The following ITGA9 variants were observed in gnomAD, a reference collection of about 807,000 sequenced individuals.
ITGA9 encodes the protein integrin subunit alpha 9, also known as integrin alpha-9.
Under a neutral mutation model 127.8 loss-of-function variants are expected in ITGA9, and 56 were observed. The observed-to-expected ratio is 0.44, with a 90% confidence interval of 0.35 to 0.55. ITGA9 has a LOEUF of 0.55. Among genes scored for constraint, ITGA9 ranks in the 20% least tolerant of loss-of-function variants. ITGA9 has a pLI of 0.00. For synonymous variants in ITGA9, 508 were observed against 514.5 expected, an observed-to-expected ratio of 0.99 and a Z score of 0.17; for missense variants, 1,196 against 1,347.1, an observed-to-expected ratio of 0.89 and a Z score of 1.76.
intron 17 of ITGA9, among the ~76,000 whole-genome samples, chr3:37,679,444 C>T (rs1488289760): frequency 7.2e-5 from 11 of 152,170 alleles, no homozygotes; most frequent in Non-Finnish European, 1.2e-4. Context: ...GATATTAGAG[C>T]CATGGCTGGG....
At chr3:37,576,972 A>G (rs1699659760) in intron 15 of ITGA9, among the ~76,000 whole-genome samples, 3 of 152,264 alleles carry the variant, frequency 2.0e-5, no homozygotes, top group Admixed American at 1.3e-4. Flanking sequence ...CACCTTGCTC[A>G]TTCACAGTCA....
chr3:37,739,228 C>A (rs534548823), intron 20 of ITGA9, among the ~76,000 whole-genome samples: 1 of 152,310 alleles, frequency 6.6e-6, no homozygotes, highest in Admixed American at 6.5e-5. Context: ...AAGAACACCC[C>A]CTATGTACAT....
intron 8 of ITGA9, 151 bp downstream of exon 8, chr3:37,508,778 G>A: frequency 1.4e-6 from 1 of 701,916 alleles, no homozygotes. Flanking sequence ...TACCTTCTCA[G>A]CGGTATGTGT....
At chr3:37,493,470 A>G (rs983763949) in intron 4 of ITGA9, among the ~76,000 whole-genome samples, 1 of 152,106 alleles carries the variant, frequency 6.6e-6, no homozygotes, top group Non-Finnish European at 1.5e-5. Flanking sequence ...ACATGTGATT[A>G]ATTTGAGTCA....
intron 22 of ITGA9, among the ~76,000 whole-genome samples, chr3:37,749,948 G>C (rs1696560658): frequency 6.6e-6 from 1 of 152,134 alleles, no homozygotes; most frequent in Non-Finnish European, 1.5e-5. Flanking sequence ...TCCTGGACCA[G>C]CAGCAGCAGC....
rs77004003 is a variant in ITGA9 at position 37,585,542 on chromosome 3, A to G, written c.1689+42957A>G. On this transcript the variant is annotated intron_variant, in intron 15 of 27. Transcript: ENST00000264741. Reference sequence around the variant, plus strand: ...AGCATGCCCGTTGGGACAATTAGGGAGGGATTCTTTCAAGTACAACATTTT... The same window carrying G: ...AGCATGCCCGTTGGGACAATTAGGGGGGGATTCTTTCAAGTACAACATTTT... The G allele has an allele frequency of 7.7e-5, 38 of 495,018 alleles. No homozygotes were observed. The East Asian group carries it at 2.3e-3, about 29-fold the overall frequency. The allele number at this position is 495,018 out of a possible 1,614,324, so 30.7% of individuals were successfully genotyped here.
At chr3:37,779,842 T>C (rs1696953991) in intron 24 of ITGA9, 60 bp from the exon 25 acceptor site, 1 of 1,570,752 alleles carries the variant, frequency 6.4e-7, no homozygotes, top group African/African-American at 1.4e-5. Flanking sequence ...CTCTGTAAAT[T>C]GTTGTGGATT....
At chr3:37,750,346 G>T in intron 22 of ITGA9, 116 bp from the exon 23 acceptor site, 3 of 738,796 alleles carry the variant, frequency 4.1e-6, no homozygotes, top group Non-Finnish European at 7.3e-6. Flanking sequence ...TTCCAGATCC[G>T]AACCTTAGAG....
Position 37,821,972 on chromosome 3 carries a change from A to G in ITGA9, c.*2983A>G, listed in dbSNP as rs1251207985. 2.0e-5 allele frequency: 3 copies of G among 152,046 alleles called. No homozygotes were observed. The highest frequency in any genetic ancestry group is 7.2e-5 in the African/African-American group (3 of 41,398). The allele number at this position is 152,046 out of a possible 1,614,324, so 9.4% of individuals were successfully genotyped here. A position where few individuals can be genotyped will look rare whatever the true frequency, so the allele number is the denominator to read the frequency against. The stretch of plus-strand genomic sequence containing the variant: ...TTGTGCAGTGATAGAGAAGTCAAGC[A>G]TATCGTTAGCGCTCTCTCAACTTGG... On this transcript the variant is annotated 3_prime_UTR_variant, in exon 28 of 28. Transcript: ENST00000264741.
chr3:37,532,661 A>G (rs1413233709), intron 13 of ITGA9, among the ~76,000 whole-genome samples: 1 of 152,128 alleles, frequency 6.6e-6, no homozygotes, highest in Non-Finnish European at 1.5e-5. Flanking sequence ...GCACTGGGAG[A>G]TGGTCCATGG....
At chr3:37,562,446 A>T (rs1699502668) in intron 15 of ITGA9, among the ~76,000 whole-genome samples, 1 of 152,100 alleles carries the variant, frequency 6.6e-6, no homozygotes, top group South Asian at 2.1e-4. Context: ...GACCTTTTAG[A>T]TACTTTTCTA....
At chr3:37,523,439 G>A (rs1699063783) in intron 11 of ITGA9, 82 bp from the exon 12 acceptor site, 2 of 1,061,134 alleles carry the variant, frequency 1.9e-6, no homozygotes, top group Non-Finnish European at 3.0e-6. Context: ...GTGTCCTAGG[G>A]AAGCTGGAAT....
chr3:37,811,127 C>T (rs1697363992), intron 27 of ITGA9, among the ~76,000 whole-genome samples: 1 of 152,162 alleles, frequency 6.6e-6, no homozygotes, highest in Non-Finnish European at 1.5e-5. Context: ...TCAGCTTTCC[C>T]AAAGCTGAGA....
At chr3:37,565,610 G>A (rs1345791854) in intron 15 of ITGA9, among the ~76,000 whole-genome samples, 4 of 152,206 alleles carry the variant, frequency 2.6e-5, no homozygotes, top group Non-Finnish European at 5.9e-5. Flanking sequence ...TCTGGAGGTG[G>A]ATGGTGGTGA....
chr3:37,546,321 C>T (rs764135741), intron 15 of ITGA9, among the ~76,000 whole-genome samples: 9 of 152,124 alleles, frequency 5.9e-5, no homozygotes, highest in African/African-American at 9.7e-5. Flanking sequence ...ACTAGCACCG[C>T]GCTGGAACTT....
intron 20 of ITGA9, among the ~76,000 whole-genome samples, chr3:37,741,460 C>T (rs1263155386): frequency 6.6e-6 from 1 of 152,206 alleles, no homozygotes; most frequent in South Asian, 2.1e-4. Context: ...TTCCTTTGCT[C>T]TCTCCCTTCT....
At chr3:37,746,530 G>C (rs1003624124) in intron 22 of ITGA9, among the ~76,000 whole-genome samples, 5 of 152,136 alleles carry the variant, frequency 3.3e-5, no homozygotes, top group Admixed American at 3.3e-4. Flanking sequence ...AAATAAAGAT[G>C]GTAATACAAG....
At chr3:37,549,540 G>A (rs1365928001) in intron 15 of ITGA9, among the ~76,000 whole-genome samples, 2 of 151,978 alleles carry the variant, frequency 1.3e-5, no homozygotes, top group African/African-American at 2.4e-5. Context: ...ATTTACACTG[G>A]GTTCATCTAT....
chr3:37,523,527 T>A lies in ITGA9; in HGVS notation c.1243T>A (p.Ser415Thr), dbSNP rs1490628949. The change falls in exon 12 of 28, where the codon TCT (serine) becomes ACT (threonine). Residue 415 changes from serine (S) to threonine (T), a missense_variant. Ser to Thr is a moderately conservative substitution (Grantham distance 58). Transcript: ENST00000264741. ...GIVPQYSMKL[S>T]GQKINPVLRM... Reference sequence around the variant, plus strand: ...TCCCTATTATCTGTTTCAGAAACTGTCTGGGCAGAAGATAAATCCAGTGCT... The same window carrying A: ...TCCCTATTATCTGTTTCAGAAACTGACTGGGCAGAAGATAAATCCAGTGCT... 1 of 1,613,604 alleles carries A rather than the reference T, an allele frequency of 6.2e-7. No individual in the cohort carries two copies. The highest frequency in any genetic ancestry group is 1.3e-5 in the African/African-American group (1 of 74,908).
Sources: gnomAD v4.1 joint callset for allele counts (sites outside exome capture counted in the v4.1 genomes callset) on GRCh38, gnomAD v4.1.1 for gene constraint, MANE v1.5 for transcripts, NCBI Gene and HGNC (gene_info 2026-07-23, HGNC 2026-07-21) for gene names.